CSMD1: variants seen among roughly 807,000 people sequenced by gnomAD.
CSMD1 encodes the protein CUB and sushi domain-containing protein 1.
CSMD1 carries 213 observed loss-of-function variants against 417.5 expected under a neutral mutation model. The observed-to-expected ratio is 0.51, with a 90% CI of 0.46 to 0.57. The LOEUF is 0.57. Ranked by LOEUF, CSMD1 falls within the 20% of genes least tolerant of loss-of-function variation. The pLI is 0.00. For synonymous variants in CSMD1, 2,862 were observed against 1,736.8 expected (o/e 1.65, Z -16.11); for missense variants, 6,923 against 4,529.7 (o/e 1.53, Z -15.17).
At chr8:3,763,601 C>T (rs1316644964) in intron 5 of CSMD1, among the ~76,000 whole-genome samples, 2 of 152,112 alleles carry the variant, frequency 1.3e-5, no homozygotes, top group Admixed American at 6.5e-5. Flanking sequence ...AATTCTGAGC[C>T]AAATAAACCT....
intron 1 of CSMD1, among the ~76,000 whole-genome samples, chr8:4,982,361 T>C (rs1163346744): frequency 2.0e-5 from 3 of 152,252 alleles, no homozygotes; most frequent in Admixed American, 6.5e-5. Context: ...GAGTTGTTCC[T>C]GGTGGCATCT....
chr8:3,755,416 T>C (rs1280200165), intron 5 of CSMD1, among the ~76,000 whole-genome samples: 1 of 152,222 alleles, frequency 6.6e-6, no homozygotes, highest in Non-Finnish European at 1.5e-5. Flanking sequence ...AATAATTATT[T>C]TGCATCTTGG....
intron 5 of CSMD1, among the ~76,000 whole-genome samples, chr8:3,802,564 A>T (rs958431918): frequency 6.6e-6 from 1 of 152,200 alleles, no homozygotes; most frequent in South Asian, 2.1e-4. Flanking sequence ...CTACTTAGTT[A>T]AGGGGAGAAA....
chr8:3,024,296 T>TTG (rs1563250147), intron 51 of CSMD1, among the ~76,000 whole-genome samples: 2 of 96,706 alleles, frequency 2.1e-5, no homozygotes, highest in African/African-American at 7.1e-5. Flanking sequence ...AGGTTTTTTT[T>TTG]GGGGGGGGAG....
At chr8:4,753,437 AC>A (rs1811473606) in intron 1 of CSMD1, among the ~76,000 whole-genome samples, 1 of 141,952 alleles carries the variant, frequency 7.0e-6, no homozygotes, top group Admixed American at 7.2e-5. Context: ...ACACACACAC[AC>A]ACACACACAT....
In CSMD1 at chr8:3,572,611, T is replaced by C. The variant is rs576537117; in HGVS notation, c.1344+2334A>G. Among the ~76,000 whole-genome samples the C allele has an allele frequency of 4.6e-5, 7 of 152,356 alleles. 1 individual carries two copies. The East Asian group carries it at 1.3e-3, about 29-fold the overall frequency. ...TCTAATTAATTCCTTTTAGCTATGT[T>C]TTCTTTAAAAGAAATTCAAGAAGAG... On this transcript the variant is annotated intron_variant, in intron 10 of 69. Transcript: ENST00000635120.
chr8:4,596,839 G>T (rs150283039), intron 2 of CSMD1, among the ~76,000 whole-genome samples: 5 of 152,186 alleles, frequency 3.3e-5, no homozygotes, highest in African/African-American at 9.7e-5. Flanking sequence ...CCCAGGGGGA[G>T]GTAATTGAAT....
At chr8:3,599,149 G>C (rs866438613) in intron 8 of CSMD1, among the ~76,000 whole-genome samples, 95 of 146,496 alleles carry the variant, frequency 6.5e-4, no homozygotes, top group African/African-American at 2.0e-3. Flanking sequence ...GTGTGTGTGT[G>C]TCTGTGTGTG....
chr8:4,601,088 C>G (rs1800554582), intron 2 of CSMD1, among the ~76,000 whole-genome samples: 1 of 151,870 alleles, frequency 6.6e-6, no homozygotes, highest in Non-Finnish European at 1.5e-5. Flanking sequence ...TCCCAAGTAG[C>G]TGGGATTACA....
chr8:4,558,456 T>C (rs1798187189), intron 2 of CSMD1, among the ~76,000 whole-genome samples: 2 of 152,304 alleles, frequency 1.3e-5, no homozygotes, highest in South Asian at 4.1e-4. Context: ...TAAGTGAGGG[T>C]TGCAGTTTGA....
chr8:4,813,469 T>G (rs1477628064), intron 1 of CSMD1, among the ~76,000 whole-genome samples: 1 of 152,166 alleles, frequency 6.6e-6, no homozygotes, highest in Non-Finnish European at 1.5e-5. Flanking sequence ...ACAGAACGTA[T>G]CAAAAAATAA....
intron 1 of CSMD1, among the ~76,000 whole-genome samples, chr8:4,726,525 G>A (rs1185142769): frequency 6.6e-6 from 1 of 152,014 alleles, no homozygotes; most frequent in Non-Finnish European, 1.5e-5. Flanking sequence ...GCTTTAATGA[G>A]AATACAAGCA....
At chr8:4,498,802 C>T (rs569384275) in intron 2 of CSMD1, among the ~76,000 whole-genome samples, 181 of 152,058 alleles carry the variant, frequency 1.2e-3, no homozygotes, top group Non-Finnish European at 2.2e-3. Context: ...GAGTTATTAC[C>T]GAGATTCCCC....
intron 3 of CSMD1, among the ~76,000 whole-genome samples, chr8:4,083,324 G>T (rs1302071877): frequency 6.6e-6 from 1 of 152,138 alleles, no homozygotes; most frequent in East Asian, 1.9e-4. Flanking sequence ...GTGTGAGATG[G>T]TATCTCATTG....
chr8:4,706,731 G>C (rs917335673), intron 1 of CSMD1, among the ~76,000 whole-genome samples: 4 of 152,162 alleles, frequency 2.6e-5, no homozygotes, highest in African/African-American at 7.2e-5. Context: ...GATGTGGCCG[G>C]GGAGGCAGAG....
chr8:4,258,025 C>T (rs1448111498), intron 3 of CSMD1, among the ~76,000 whole-genome samples: 1 of 151,920 alleles, frequency 6.6e-6, no homozygotes, highest in Non-Finnish European at 1.5e-5. Context: ...ATTTATTTCT[C>T]ACAGCTGTGG....
chr8:3,143,120 C>T (rs1039061318), intron 40 of CSMD1, among the ~76,000 whole-genome samples: 8 of 152,160 alleles, frequency 5.3e-5, no homozygotes, highest in Admixed American at 1.3e-4. Context: ...ACAACAACAA[C>T]AATTTTGGTT....
intron 1 of CSMD1, among the ~76,000 whole-genome samples, chr8:4,894,963 G>C (rs149716759): frequency 6.6e-6 from 1 of 152,120 alleles, no homozygotes; most frequent in Admixed American, 6.5e-5. Flanking sequence ...TGAGGTTCAG[G>C]GCTCAGCTTC....
intron 2 of CSMD1, among the ~76,000 whole-genome samples, chr8:4,424,284 C>A (rs2128942192): frequency 6.6e-6 from 1 of 151,894 alleles, no homozygotes; most frequent in East Asian, 1.9e-4. Context: ...CATTCGCAAG[C>A]CAAATATCTG....
Sources: allele counts gnomAD v4.1 joint callset (sites outside exome capture counted in the v4.1 genomes callset), GRCh38; gene constraint gnomAD v4.1.1; transcripts MANE v1.5; gene names NCBI Gene and HGNC (gene_info 2026-07-23, HGNC 2026-07-21).